The following PLXNB2 variants were observed in gnomAD, a reference collection of about 807,000 sequenced individuals.
The protein encoded by PLXNB2 is plexin-B2.
A neutral mutation model predicts 202.6 loss-of-function variants in PLXNB2; 85 were observed. That is an observed-to-expected ratio of 0.42 (90% CI 0.35 to 0.50). The LOEUF is 0.50. PLXNB2 is among the 20% of genes least tolerant of loss of function. The pLI is 0.02. For missense variants in PLXNB2, 2,063 were observed against 2,586.2 expected, an observed-to-expected ratio of 0.80 and a Z score of 4.39; for synonymous variants, 1,239 against 1,137.6, an observed-to-expected ratio of 1.09 and a Z score of -1.79.
Position 50,297,288 on chromosome 22 carries a change from T to G in PLXNB2, c.-73-2510A>C, listed in dbSNP as rs2067350154. Among the ~76,000 whole-genome samples the G allele has an allele frequency of 2.6e-5, 4 of 152,144 alleles. No homozygotes were observed. The South Asian group carries it at 8.3e-4, about 32-fold the overall frequency. ...CCTCCACGGGCCCAGGCCCCAGGCG[T>G]GGGCGGGGGCAGCCAAGGTCAGGGG... On this transcript the variant is annotated intron_variant, in intron 1 of 36. Transcript: ENST00000359337. The surrounding 1 kb of genome is among the most constrained non-coding windows in gnomAD (Gnocchi z 5.3).
At position 50,281,514 on chromosome 22, in the gene PLXNB2, G is replaced by C. The variant is rs764793422; in HGVS notation, c.3523-15C>G. 1.9e-6 allele frequency: 3 copies of C among 1,609,988 alleles called. No individual in the cohort carries two copies. The highest frequency in any genetic ancestry group is 2.5e-6 in the Non-Finnish European group (3 of 1,178,716). Reference sequence around the variant, plus strand: ...CCGAACTTCACCTGTGTGGGGGGCCGGGTTCAGCGCGGTCCCGTGGGGGCA... The same window carrying C: ...CCGAACTTCACCTGTGTGGGGGGCCCGGTTCAGCGCGGTCCCGTGGGGGCA... On this transcript the variant is annotated splice_polypyrimidine_tract_variant and intron_variant, in intron 21 of 36. Coordinates refer to ENST00000359337, the MANE Select transcript of PLXNB2 (RefSeq NM_012401.4).
In PLXNB2 at chr22:50,288,662, C is replaced by A; in HGVS notation, c.1380+81G>T. The A allele has an allele frequency of 5.7e-6, 9 of 1,566,712 alleles. No individual in the cohort carries two copies. Among genetic ancestry groups the A allele is most frequent in the Non-Finnish European group, 7.8e-6 (9 of 1,154,520 alleles). On this transcript the variant is annotated intron_variant, in intron 5 of 36. Transcript: ENST00000359337. This position sits in a 1 kb window ranked among gnomAD's most constrained non-coding sequence, Gnocchi z 5.0. ...GCAGCACCCCATCCTCCTCTGGCCC[C>A]CAGGCCTGTCCTAAGGGCCTGGGAT...
intron 20 of PLXNB2, 45 bp downstream of exon 20, chr22:50,281,809 C>T: frequency 1.3e-6 from 2 of 1,588,650 alleles, no homozygotes; most frequent in Non-Finnish European, 1.7e-6. Context: ...GCTCTCAGCC[C>T]AGACCCGAGC....
At chr22:50,296,152 C>T (rs987434569) in intron 1 of PLXNB2, among the ~76,000 whole-genome samples, 1 of 151,146 alleles carries the variant, frequency 6.6e-6, no homozygotes, top group African/African-American at 2.4e-5. Context: ...GAGGAGGCCA[C>T]GGCAGTCCAG....
At chr22:50,292,423 C>T (rs546248350) in intron 2 of PLXNB2, among the ~76,000 whole-genome samples, 6 of 151,940 alleles carry the variant, frequency 3.9e-5, no homozygotes, top group African/African-American at 7.2e-5. Flanking sequence ...GTGTCTCTGA[C>T]GGCCAGGCTG....
Position 50,284,131 on chromosome 22 carries a change from C to T in PLXNB2, c.2263+1G>A. ...CCCCCCACTGCGCCCGTGGCCCCCA[C>T]CATGGAGCTTGCTGTCGATATTCTT... On this transcript the variant is annotated splice_donor_variant, in intron 13 of 36. Transcript: ENST00000359337. LOFTEE classifies it high-confidence loss of function. This position sits in a 1 kb window ranked among gnomAD's most constrained non-coding sequence, Gnocchi z 8.0. 3 of 1,611,448 alleles carry T rather than the reference C, an allele frequency of 1.9e-6. No homozygotes were observed. Among genetic ancestry groups the T allele is most frequent in the Non-Finnish European group, 2.5e-6 (3 of 1,179,580 alleles).
chr22:50,283,621 G>T lies in PLXNB2; in HGVS notation c.2551C>A (p.Arg851Ser), dbSNP rs1407238581. ...AGRNCSFQPE[R>S]YSVSTRIVCV... ...ACTCACCGGGTGGACACGGAGTAAC[G>T]TTCCGGCTGAAAGGAGCAGTTCCGG... The change falls in exon 15 of 37, where the codon CGT becomes AGT. Residue 851 changes from arginine (R) to serine (S), a missense_variant. By Grantham distance (110) the Arg-to-Ser change is moderately radical. Coordinates refer to ENST00000359337, the MANE Select transcript of PLXNB2 (RefSeq NM_012401.4). 6.2e-7 allele frequency: 1 copy of T among 1,612,432 alleles called. No individual in the cohort carries two copies. The highest frequency in any genetic ancestry group is 2.2e-5 in the East Asian group (1 of 44,814).
intron 1 of PLXNB2, among the ~76,000 whole-genome samples, chr22:50,295,989 C>T (rs28639985): frequency 0.22 from 33,944 of 151,978 alleles, 4,220 homozygotes; most frequent in Non-Finnish European, 0.29. Flanking sequence ...GTAATCCCAA[C>T]TACTCAGGAG....
chr22:50,282,105 G>A lies in PLXNB2; in HGVS notation c.3118-24C>T, dbSNP rs372208661. ...ACCTGCAGGCAAGTCCCAGCTGTCA[G>A]CCCCCGGGCGCAGACCCCGCCCTTC... On this transcript the variant is annotated intron_variant, in intron 19 of 36. Transcript: ENST00000359337. 8 of 1,605,574 alleles carry A rather than the reference G, an allele frequency of 5.0e-6. No homozygotes were observed. The African/African-American group carries it at 8.0e-5, about 16-fold the overall frequency.
rs774331952 is a variant in PLXNB2 at position 50,281,357 on chromosome 22, C to T, written c.3662+3G>A. The T allele has an allele frequency of 1.2e-6, 2 of 1,611,696 alleles. No individual in the cohort carries two copies. The highest frequency in any genetic ancestry group is 1.3e-5 in the African/African-American group (1 of 75,004). The stretch of plus-strand genomic sequence containing the variant: ...TGTTGGCACAGCCGGGGGGCGGGCT[C>T]ACCAGTAGCAGTAGACAGACACCGC... On this transcript the variant is annotated splice_donor_region_variant and intron_variant, in intron 22 of 36. Coordinates refer to ENST00000359337, the MANE Select transcript of PLXNB2 (RefSeq NM_012401.4).
chr22:50,276,589 G>A (rs749819666), intron 35 of PLXNB2, 40 bp downstream of exon 35: 5 of 1,510,628 alleles, frequency 3.3e-6, no homozygotes, highest in Non-Finnish European at 4.6e-6. Context: ...GGTAGTGGGA[G>A]CGGGGAGGGC....
At position 50,287,750 on chromosome 22, in the gene PLXNB2, G is replaced by A; in HGVS notation, c.1525C>T (p.His509Tyr). The A allele has an allele frequency of 6.3e-7, 1 of 1,583,738 alleles. No individual in the cohort carries two copies. Among genetic ancestry groups the A allele is most frequent in the Non-Finnish European group, 8.5e-7 (1 of 1,171,130 alleles). ...AECPRAEEAS[H>Y]WLWSRSKSCV... is the part of the protein sequence containing the mutation. ...GACTTGCTTCGGCTCCACAGCCAGTGGCTGGCCTCCTCGGCCCGCGGACAC... is the reference window on the plus strand; with the variant it reads ...GACTTGCTTCGGCTCCACAGCCAGTAGCTGGCCTCCTCGGCCCGCGGACAC... The change falls in exon 7 of 37, where the codon CAC (histidine) becomes TAC (tyrosine). Residue 509 changes from histidine to tyrosine, a missense_variant. Coordinates refer to ENST00000359337, the MANE Select transcript of PLXNB2 (RefSeq NM_012401.4).
In PLXNB2 at chr22:50,283,716, A is replaced by T; in HGVS notation, c.2456T>A (p.Ile819Asn). Residue 819 changes from isoleucine to asparagine, a missense_variant, in exon 15 of 37, where the codon ATC (isoleucine) becomes AAC (asparagine). Ile to Asn is a moderately radical substitution (Grantham distance 149, BLOSUM62 -3). Coordinates refer to ENST00000359337, the MANE Select transcript of PLXNB2 (RefSeq NM_012401.4). The stretch of plus-strand genomic sequence containing the variant: ...ATTGGACCCCAGGATGGTGATGCGG[A>T]TGCCCCCACCCAGGGGGCCCGTCTC... ...QPETGPLGGG[I>N]RITILGSNLG... The T allele has an allele frequency of 6.2e-7, 1 of 1,613,002 alleles. No individual in the cohort carries two copies. Among genetic ancestry groups the T allele is most frequent in the Non-Finnish European group, 8.5e-7 (1 of 1,179,900 alleles).
chr22:50,280,714 G>GGCCCC, intron 24 of PLXNB2, 30 bp downstream of exon 24: 24 of 1,528,792 alleles, frequency 1.6e-5, no homozygotes, highest in Non-Finnish European at 2.0e-5. Context: ...CCACCTGTGT[G>GGCCCC]CCCTCCCGCC....
intron 1 of PLXNB2, among the ~76,000 whole-genome samples, chr22:50,304,119 C>T (rs756731511): frequency 7.9e-5 from 12 of 152,102 alleles, no homozygotes; most frequent in Admixed American, 5.2e-4. Context: ...GCTGCAGAGG[C>T]GGGACTGTGC....
At position 50,281,979 on chromosome 22, in the gene PLXNB2, C is replaced by T. The variant is rs139926938; in HGVS notation, c.3220G>A (p.Glu1074Lys). Residue 1074 changes from glutamate (E) to lysine (K), a missense_variant, in exon 20 of 37, where the codon GAG (glutamate) becomes AAG (lysine). Physicochemically the swap from Glu to Lys is moderately conservative, Grantham distance 56 (BLOSUM62 1). Coordinates refer to ENST00000359337, the MANE Select transcript of PLXNB2 (RefSeq NM_012401.4). Reference protein sequence around the residue: ...PEAYNLTVLIEMDGHRALLRT... With the variant: ...PEAYNLTVLIKMDGHRALLRT... ...AGCAGGGCACGGTGCCCGTCCATCT[C>T]GATCAGCACCGTGAGGTTGTAGGCC... 6.6e-4 allele frequency: 1,057 copies of T among 1,613,008 alleles called. 8 individuals are homozygous for T. In the African/African-American group the frequency reaches 0.012, roughly 18 times the overall value.
intron 1 of PLXNB2, among the ~76,000 whole-genome samples, chr22:50,304,251 C>T (rs912291631): frequency 6.6e-6 from 1 of 152,222 alleles, no homozygotes; most frequent in African/African-American, 2.4e-5. Context: ...TCCCCGGCAC[C>T]ACTGGGCCTG....
At chr22:50,294,372 C>A (rs998344504) in intron 2 of PLXNB2, among the ~76,000 whole-genome samples, 7 of 151,060 alleles carry the variant, frequency 4.6e-5, no homozygotes, top group African/African-American at 1.7e-4. Context: ...CACAAAGCGT[C>A]TGCACAGGCA....
At chr22:50,283,496 C>T (rs780711126) in intron 15 of PLXNB2, 51 bp from the exon 16 acceptor site, 2 of 1,551,776 alleles carry the variant, frequency 1.3e-6, no homozygotes, top group Admixed American at 3.5e-5. Context: ...CCACCCCACA[C>T]CCTGACACCC....
Sources: gnomAD v4.1 joint callset for allele counts (sites outside exome capture counted in the v4.1 genomes callset) on GRCh38, gnomAD v4.1.1 for gene constraint, Gnocchi (gnomAD v3.1) non-coding constraint, MANE v1.5 for transcripts, NCBI Gene and HGNC (gene_info 2026-07-23, HGNC 2026-07-21) for gene names.